Variants in SPAG17 observed in about 807,000 individuals in gnomAD.
The protein encoded by SPAG17 is sperm associated antigen 17, also known as sperm-associated antigen 17.
SPAG17 carries 169 observed loss-of-function variants against 273.6 expected under a neutral mutation model. That is an observed-to-expected ratio of 0.62 (90% CI 0.55 to 0.70). The LOEUF is 0.70. Ranked by LOEUF, SPAG17 falls within the 30% of genes least tolerant of loss-of-function variation. SPAG17 has a pLI of 0.00. For missense variants in SPAG17, 2,557 were observed against 2,627.8 expected, an observed-to-expected ratio of 0.97 and a Z score of 0.59; for synonymous variants, 825 against 873.2, an observed-to-expected ratio of 0.94 and a Z score of 0.97.
intron 29 of SPAG17, among the ~76,000 whole-genome samples, 198 bp downstream of exon 29, chr1:118,015,767 C>T (rs1278588496): frequency 2.0e-5 from 3 of 152,192 alleles, no homozygotes; most frequent in African/African-American, 7.2e-5. Flanking sequence ...TAATGATACT[C>T]TCCATTTGGC....
At chr1:117,982,444 T>C (rs1319941965) in intron 42 of SPAG17, among the ~76,000 whole-genome samples, 1 of 152,126 alleles carries the variant, frequency 6.6e-6, no homozygotes, top group Non-Finnish European at 1.5e-5. Flanking sequence ...GGTTTCACCG[T>C]GTTAGCCAGG....
chr1:118,012,332 C>T lies in SPAG17; in HGVS notation c.4328G>A (p.Arg1443Lys). 1 of 1,613,684 alleles carries T rather than the reference C, an allele frequency of 6.2e-7. No homozygotes were observed. The highest frequency in any genetic ancestry group is 8.5e-7 in the Non-Finnish European group (1 of 1,179,758). Reference sequence around the variant, plus strand: ...ATCCACTATCCGAGTACCATCTTTCCTTTCAACTATGACAACTTTGTCTTC... The same window carrying T: ...ATCCACTATCCGAGTACCATCTTTCTTTTCAACTATGACAACTTTGTCTTC... ...TREDKVVIVE[R>K]KDGTRIVDHA... The change falls in exon 30 of 49, where the codon AGG (arginine) becomes AAG (lysine). Residue 1443 changes from arginine to lysine, a missense_variant. Arg to Lys is a conservative substitution (Grantham distance 26, BLOSUM62 2). Coordinates refer to ENST00000336338, the MANE Select transcript of SPAG17 (RefSeq NM_206996.4).
In SPAG17 at chr1:118,099,650, A is replaced by G. The variant is rs921941763; in HGVS notation, c.785T>C (p.Leu262Pro). 6.2e-7 allele frequency: 1 copy of G among 1,614,108 alleles called. No homozygotes were observed. Among genetic ancestry groups the G allele is most frequent in the Non-Finnish European group, 8.5e-7 (1 of 1,179,954 alleles). Residue 262 changes from leucine to proline, a missense_variant, in exon 6 of 49, where the codon CTG becomes CCG. Transcript: ENST00000336338. ...SENYEPLQTH[L>P]AAVNQQQEVL... ...TTCCTGCTGCTGGTTAACTGCTGCC[A>G]GGTGTGTCTGCAGAGGTTCATAATT... is the stretch of plus-strand genomic sequence containing the variant.
chr1:118,117,694 C>A (rs1292738904), intron 3 of SPAG17, among the ~76,000 whole-genome samples: 1 of 152,152 alleles, frequency 6.6e-6, no homozygotes, highest in Non-Finnish European at 1.5e-5. Flanking sequence ...GTCCTCCTCC[C>A]GAACTGCCCT....
At chr1:118,113,606 G>A (rs1297701119) in intron 4 of SPAG17, among the ~76,000 whole-genome samples, 1 of 152,018 alleles carries the variant, frequency 6.6e-6, no homozygotes, top group Non-Finnish European at 1.5e-5. Flanking sequence ...CAAAATAATG[G>A]AGATGTCATA....
rs766846636 is a variant in SPAG17, at chr1:117,983,885, T to G, written c.5798A>C (p.Lys1933Thr). Residue 1933 changes from lysine (K) to threonine (T), a missense_variant, in exon 42 of 49, where the codon AAA becomes ACA. By Grantham distance (78) the Lys-to-Thr change is moderately conservative. Coordinates refer to ENST00000336338, the MANE Select transcript of SPAG17 (RefSeq NM_206996.4). The stretch of plus-strand genomic sequence containing the variant: ...ATTTTTCTTTGTAAAAGAAGGCAGT[T>G]TTTTGGAAAGACTGTCCAGGTGATT... ...QYNHLDSLSKKLPSFTKKNED... is the reference protein window; with the variant it reads ...QYNHLDSLSKTLPSFTKKNED... The G allele has an allele frequency of 6.2e-7, 1 of 1,612,392 alleles. No individual in the cohort carries two copies. Among genetic ancestry groups the G allele is most frequent in the Admixed American group, 1.7e-5 (1 of 59,994 alleles).
intron 20 of SPAG17, among the ~76,000 whole-genome samples, chr1:118,052,709 T>A (rs904341130): frequency 6.6e-6 from 1 of 152,000 alleles, no homozygotes; most frequent in Non-Finnish European, 1.5e-5. Context: ...AAAATATGTT[T>A]TTAAAAGCCA....
At chr1:118,093,888 C>T (rs1452825064) in intron 7 of SPAG17, among the ~76,000 whole-genome samples, 1 of 152,208 alleles carries the variant, frequency 6.6e-6, no homozygotes, top group African/African-American at 2.4e-5. Context: ...TCCTAATAGA[C>T]TATTGCTTCT....
intron 3 of SPAG17, among the ~76,000 whole-genome samples, chr1:118,119,352 G>A (rs1291456479): frequency 6.6e-6 from 1 of 152,152 alleles, no homozygotes; most frequent in Admixed American, 6.5e-5. Context: ...CTCTTGCTTG[G>A]AACAGGTTAT....
At chr1:118,167,243 TAAC>T (rs1212526493) in intron 1 of SPAG17, among the ~76,000 whole-genome samples, 1 of 152,192 alleles carries the variant, frequency 6.6e-6, no homozygotes, top group African/African-American at 2.4e-5. Context: ...GTTCAGCTCC[TAAC>T]AACATAGAAT....
intron 1 of SPAG17, among the ~76,000 whole-genome samples, chr1:118,182,430 G>A (rs772310465): frequency 2.0e-5 from 3 of 152,114 alleles, no homozygotes; most frequent in Non-Finnish European, 4.4e-5. Context: ...AGGCATCTTT[G>A]ACTTTCTAAT....
At chr1:117,961,173 C>T (rs1182219570) in intron 48 of SPAG17, 2 of 152,220 alleles carry the variant, frequency 1.3e-5, no homozygotes, top group Non-Finnish European at 2.9e-5. Context: ...ATCCCAGCTA[C>T]TCAGGAGGCT....
At chr1:118,066,400 A>G (rs1190701749) in intron 18 of SPAG17, among the ~76,000 whole-genome samples, 1 of 152,146 alleles carries the variant, frequency 6.6e-6, no homozygotes, top group Non-Finnish European at 1.5e-5. Flanking sequence ...AAAAAACCCA[A>G]CATGCAGAAT....
Position 118,021,843 on chromosome 1 carries a change from C to G in SPAG17, c.4069+1461G>C, listed in dbSNP as rs191203730. Among the ~76,000 whole-genome samples the G allele has an allele frequency of 2.6e-5, 4 of 152,260 alleles. No homozygotes were observed. In the East Asian group the frequency reaches 7.7e-4, roughly 29 times the overall value. ...ATGGCTACACAGACTAGTCTTATAT[C>G]AAGTCCTCTGTATCAACAAAAGAGG... is the stretch of plus-strand genomic sequence containing the variant. On this transcript the variant is annotated intron_variant, in intron 28 of 48. Transcript: ENST00000336338.
chr1:118,143,979 G>A (rs755742979), intron 3 of SPAG17, among the ~76,000 whole-genome samples: 14 of 152,102 alleles, frequency 9.2e-5, no homozygotes, highest in Admixed American at 5.2e-4. Flanking sequence ...TGGATCCCCG[G>A]CTCCACTGCA....
At chr1:118,168,772 G>C (rs949992072) in intron 1 of SPAG17, among the ~76,000 whole-genome samples, 1 of 152,194 alleles carries the variant, frequency 6.6e-6, no homozygotes, top group African/African-American at 2.4e-5. Flanking sequence ...ATGTCAGTGA[G>C]GGCCCTAATG....
chr1:117,996,521 A>G, intron 33 of SPAG17, 21 bp from the exon 34 acceptor site: 1 of 1,608,474 alleles, frequency 6.2e-7, no homozygotes, highest in Non-Finnish European at 8.5e-7. Flanking sequence ...AAATAAAAAT[A>G]TAATCACTTC....
chr1:117,986,033 T>G (rs1461758816), intron 40 of SPAG17, among the ~76,000 whole-genome samples: 1 of 152,124 alleles, frequency 6.6e-6, no homozygotes, highest in Non-Finnish European at 1.5e-5. Flanking sequence ...ACTCCTGAAG[T>G]AAATGTTACT....
At chr1:118,113,326 T>C (rs1247069964) in intron 4 of SPAG17, among the ~76,000 whole-genome samples, 1 of 152,154 alleles carries the variant, frequency 6.6e-6, no homozygotes, top group African/African-American at 2.4e-5. Context: ...ATCCACAGCA[T>C]GGTGTCAGTT....
Sources: allele counts gnomAD v4.1 joint callset (sites outside exome capture counted in the v4.1 genomes callset), GRCh38; gene constraint gnomAD v4.1.1; transcripts MANE v1.5; gene names NCBI Gene and HGNC (gene_info 2026-07-23, HGNC 2026-07-21).